TSHZ3: variants seen among roughly 807,000 people sequenced by gnomAD.
TSHZ3 encodes teashirt homolog 3.
TSHZ3 carries 10 observed loss-of-function variants against 64.5 expected under a neutral mutation model. The ratio of observed to expected loss-of-function variants is 0.16; its 90% CI spans 0.10 to 0.26. TSHZ3 has a LOEUF of 0.26. Ranked by LOEUF, TSHZ3 falls within the 10% of genes least tolerant of loss-of-function variation. The probability of loss-of-function intolerance (pLI) is 1.00; values close to 1 mark genes in which losing one functional copy is unlikely to be tolerated. For synonymous variants in TSHZ3, 608 were observed against 593.1 expected (o/e 1.03, Z -0.36); for missense variants, 1,242 against 1,421.7 (o/e 0.87, Z 2.03).
chr19:31,208,583 G>T (rs941170943), intron 4 of TSHZ3, among the ~76,000 whole-genome samples: 1 of 152,232 alleles, frequency 6.6e-6, no homozygotes, highest in Admixed American at 6.5e-5. Flanking sequence ...TAGAGTGAGT[G>T]TAGCAATACC....
intron 1 of TSHZ3, among the ~76,000 whole-genome samples, chr19:31,313,439 G>C (rs1916515588): frequency 6.6e-6 from 1 of 152,206 alleles, no homozygotes; most frequent in Non-Finnish European, 1.5e-5. Context: ...TGCACCGCTG[G>C]AGGGCAGCGA....
chr19:31,262,051 A>C (rs1975988224), intron 1 of TSHZ3, among the ~76,000 whole-genome samples: 1 of 152,238 alleles, frequency 6.6e-6, no homozygotes, highest in African/African-American at 2.4e-5. Flanking sequence ...TTGGAGCCTC[A>C]GTCACAAATT....
rs1364854309 is a variant in TSHZ3 at position 31,277,809 on chromosome 19, C to G, written c.1984G>C (p.Gly662Arg). ...EPIKMEASSD[G>R]GFRSQENSPS... is the part of the protein sequence containing the mutation. ...CTGTTCTCCTGGCTGCGGAAGCCCC[C>G]ATCGCTGGATGCCTCCATCTTGATG... Residue 662 changes from glycine to arginine, a missense_variant, in exon 2 of 2, where the codon GGG (glycine) becomes CGG (arginine). Physicochemically the swap from Gly to Arg is moderately radical, Grantham distance 125. This residue lies in a region of TSHZ3 where 550 missense variants were observed against 545.1 expected (regional missense o/e 1.01). Coordinates refer to ENST00000240587, the MANE Select transcript of TSHZ3 (RefSeq NM_020856.4). This position sits in a 1 kb window ranked among gnomAD's most constrained non-coding sequence, Gnocchi z 4.5. 3.2e-6 allele frequency: 5 copies of G among 1,550,020 alleles called. No homozygotes were observed. In the African/African-American group the frequency reaches 5.5e-5, roughly 17 times the overall value.
chr19:31,269,803 G>C (rs1326097402), intron 1 of TSHZ3, among the ~76,000 whole-genome samples: 1 of 152,198 alleles, frequency 6.6e-6, no homozygotes, highest in African/African-American at 2.4e-5. Context: ...TTTTTAAAAA[G>C]AAAGCAGGAT....
At chr19:31,209,054 A>G (rs962594019) in intron 4 of TSHZ3, among the ~76,000 whole-genome samples, 1 of 152,172 alleles carries the variant, frequency 6.6e-6, no homozygotes, top group African/African-American at 2.4e-5. Flanking sequence ...GAATGACCCC[A>G]GTTTGCCAGA....
intron 6 of TSHZ3, among the ~76,000 whole-genome samples, chr19:31,152,927 T>C (rs1174630869): frequency 6.6e-6 from 1 of 152,168 alleles, no homozygotes; most frequent in East Asian, 1.9e-4. Context: ...AGTGCAAGTA[T>C]TCAGATGGAT....
downstream of TSHZ3, among the ~76,000 whole-genome samples, chr19:31,149,912 G>A (rs1049055296): frequency 2.6e-5 from 4 of 152,034 alleles, no homozygotes; most frequent in African/African-American, 9.7e-5. Context: ...TAGGGAGTGG[G>A]GAACAGATTA....
chr19:31,165,103 C>T (rs1020864946), intron 5 of TSHZ3, among the ~76,000 whole-genome samples: 12 of 152,238 alleles, frequency 7.9e-5, no homozygotes, highest in African/African-American at 2.4e-4. Context: ...CACCCAGCCC[C>T]GGAATCTCCG....
In TSHZ3 at chr19:31,338,823, C is replaced by T. The variant is rs201336266; in HGVS notation, c.40+10357G>A. ...GCCTTCCTCCCTCCATCTTTTTTTT[C>T]TTTCTTTCTTTCTTTCTTTTTTCTT... is the stretch of plus-strand genomic sequence containing the variant. On this transcript the variant is annotated intron_variant, in intron 1 of 1. Transcript: ENST00000240587. Among the ~76,000 whole-genome samples the T allele has an allele frequency of 9.5e-3, 1,394 of 146,158 alleles. 33 individuals carry two copies. The East Asian group carries it at 0.1, about 11-fold the overall frequency.
At chr19:31,265,353 C>A (rs1394518184) in intron 1 of TSHZ3, among the ~76,000 whole-genome samples, 1 of 135,932 alleles carries the variant, frequency 7.4e-6, no homozygotes, top group Admixed American at 8.0e-5. Flanking sequence ...GCCAAAGTTG[C>A]GCCATTGCAC....
At chr19:31,208,925 G>A (rs1347449048) in intron 4 of TSHZ3, among the ~76,000 whole-genome samples, 2 of 152,232 alleles carry the variant, frequency 1.3e-5, no homozygotes, top group African/African-American at 4.8e-5. Flanking sequence ...TTGGTATCAG[G>A]TGGAGCTGAG....
chr19:31,154,003 G>T (rs1974271869), intron 6 of TSHZ3, among the ~76,000 whole-genome samples: 1 of 152,170 alleles, frequency 6.6e-6, no homozygotes, highest in South Asian at 2.1e-4. Context: ...ACTGACTTTG[G>T]CCAATAGCAA....
chr19:31,290,328 A>T (rs1434417670), intron 1 of TSHZ3, among the ~76,000 whole-genome samples: 1 of 152,000 alleles, frequency 6.6e-6, no homozygotes, highest in East Asian at 1.9e-4. Context: ...CTGGCTCTTG[A>T]CCGGGAGGGG....
intron 5 of TSHZ3, among the ~76,000 whole-genome samples, chr19:31,164,273 G>A (rs1974412574): frequency 6.6e-6 from 1 of 152,144 alleles, no homozygotes. Flanking sequence ...CGCTGTTCCT[G>A]CACTGCGAAT....
Position 31,279,680 on chromosome 19 carries a change from T to C in TSHZ3, c.113A>G (p.Asp38Gly). The stretch of plus-strand genomic sequence containing the variant: ...CATGTACTTGGCCGAGGGCTCTCCA[T>C]CTGCCGTATGCTCCTCTGGGTCTAA... ...EGLDPEEHTADGEPSAKYMCP... is the reference protein window; with the variant it reads ...EGLDPEEHTAGGEPSAKYMCP... Residue 38 changes from aspartate (D) to glycine (G), a missense_variant, in exon 2 of 2, where the codon GAT becomes GGT. Around this residue, in one of 4 missense-constraint regions of TSHZ3, gnomAD observed 555 missense variants for 704.0 expected, o/e 0.79. Transcript: ENST00000240587. The surrounding 1 kb of genome is among the most constrained non-coding windows in gnomAD (Gnocchi z 6.4). 1 of 1,583,618 alleles carries C rather than the reference T, an allele frequency of 6.3e-7. No individual in the cohort carries two copies. The highest frequency in any genetic ancestry group is 1.3e-5 in the African/African-American group (1 of 74,186).
intron 1 of TSHZ3, among the ~76,000 whole-genome samples, chr19:31,288,485 G>C (rs1976505378): frequency 1.3e-5 from 2 of 152,176 alleles, no homozygotes; most frequent in Non-Finnish European, 2.9e-5. Flanking sequence ...GGAGACAGGA[G>C]GGGACAGTTC....
intron 1 of TSHZ3, among the ~76,000 whole-genome samples, chr19:31,266,946 C>T (rs1055075044): frequency 6.6e-6 from 1 of 152,200 alleles, no homozygotes; most frequent in Admixed American, 6.5e-5. Flanking sequence ...TCACAGTACA[C>T]CTCGGGCCCT....
intron 1 of TSHZ3, among the ~76,000 whole-genome samples, chr19:31,256,636 T>C (rs1285477509): frequency 6.6e-6 from 1 of 152,238 alleles, no homozygotes; most frequent in Admixed American, 6.5e-5. Context: ...TATTTCTTGG[T>C]TATCTACCAT....
chr19:31,238,693 C>T (rs1173523880), intron 3 of TSHZ3, among the ~76,000 whole-genome samples: 1 of 152,176 alleles, frequency 6.6e-6, no homozygotes, highest in East Asian at 1.9e-4. Flanking sequence ...TTCTCTAATA[C>T]CCATATAGCC....
Sources: gnomAD v4.1 joint callset for allele counts (sites outside exome capture counted in the v4.1 genomes callset) on GRCh38, gnomAD v4.1.1 for gene constraint, gnomAD v4.1.1 regional missense constraint, Gnocchi (gnomAD v3.1) non-coding constraint, MANE v1.5 for transcripts, NCBI Gene and HGNC (gene_info 2026-07-23, HGNC 2026-07-21) for gene names.